LYPD6B: variants seen among roughly 807,000 people sequenced by gnomAD.
The protein encoded by LYPD6B is ly6/PLAUR domain-containing protein 6B.
In LYPD6B, 17 loss-of-function variants were observed where a neutral mutation model predicts 22.8. That is an observed-to-expected ratio of 0.75 (90% CI 0.51 to 1.12). The LOEUF is 1.12. LYPD6B is among the 50% of genes most tolerant of loss of function. The pLI, the probability that LYPD6B is intolerant of heterozygous loss-of-function variation, is 0.00. For synonymous variants in LYPD6B, 106 were observed against 91.6 expected (o/e 1.16, Z -0.90); for missense variants, 221 against 258.3 (o/e 0.86, Z 0.99).
intron 1 of LYPD6B, among the ~76,000 whole-genome samples, chr2:149,126,420 A>G (rs1281410478): frequency 6.6e-6 from 1 of 152,226 alleles, no homozygotes; most frequent in Non-Finnish European, 1.5e-5. Flanking sequence ...TGTTATATGT[A>G]TTATATGTTG....
chr2:149,183,842 T>C (rs980650593), intron 3 of LYPD6B, among the ~76,000 whole-genome samples: 2 of 140,786 alleles, frequency 1.4e-5, no homozygotes, highest in African/African-American at 2.5e-5. Context: ...TATATGTGTA[T>C]GTGTATGTGT....
intron 2 of LYPD6B, among the ~76,000 whole-genome samples, chr2:149,144,340 G>A (rs939756275): frequency 2.0e-5 from 3 of 152,132 alleles, no homozygotes. Flanking sequence ...GTCCAAAGTA[G>A]AGCCTCTATC....
intron 1 of LYPD6B, among the ~76,000 whole-genome samples, chr2:149,073,645 C>T (rs1266129392): frequency 6.6e-6 from 1 of 152,026 alleles, no homozygotes; most frequent in Non-Finnish European, 1.5e-5. Context: ...GCTTATCCTC[C>T]TACCACTGCT....
In LYPD6B at chr2:149,204,937, C is replaced by G. The variant is rs373185619; in HGVS notation, c.78-316C>G. 4 of 241,460 alleles carry G rather than the reference C, an allele frequency of 1.7e-5. 1 individual carries two copies. The highest frequency in any genetic ancestry group is 9.0e-5 in the African/African-American group (4 of 44,580). 15.0% of individuals were successfully genotyped at this position (241,460 alleles called of 1,614,324 possible). A position where few individuals can be genotyped will look rare whatever the true frequency, so the allele number is the denominator to read the frequency against. On this transcript the variant is annotated intron_variant, in intron 3 of 6. Transcript: ENST00000409642. Reference sequence around the variant, plus strand: ...ATCCAGTGATTCAGCACAGAGGAAACCAGCTAGCCGCAGTCACTGAGGGAA... The same window carrying G: ...ATCCAGTGATTCAGCACAGAGGAAAGCAGCTAGCCGCAGTCACTGAGGGAA...
intron 2 of LYPD6B, chr2:149,160,334 C>T (rs1479589256): frequency 2.4e-6 from 1 of 421,058 alleles, no homozygotes; most frequent in Non-Finnish European, 4.8e-6. Context: ...GTCTTCCAAA[C>T]CAGGTTAAAT....
intron 1 of LYPD6B, among the ~76,000 whole-genome samples, chr2:149,083,937 AAG>A (rs1369983502): frequency 4.2e-5 from 6 of 143,280 alleles, no homozygotes; most frequent in Admixed American, 1.4e-4. Context: ...AAAAACAACA[AAG>A]AACAAAAACA....
chr2:149,098,147 ATTTCAGCACACCTT>A lies in LYPD6B; in HGVS notation c.-66-32732_-66-32719del, dbSNP rs1289277227. 5.3e-5 allele frequency among the ~76,000 whole-genome samples: 8 copies of A among 152,068 alleles called. No homozygotes were observed. In the South Asian group the frequency reaches 8.3e-4, roughly 16 times the overall value. ...CCAGCTCTCATGTGCTCCCTGAATG[ATTTCAGCACACCTT>A]TTTGAGCAAGTGCCTATGTTTATAC... On this transcript the variant is annotated intron_variant, in intron 1 of 6. Transcript: ENST00000409642.
At chr2:149,202,517 C>G (rs1267555154) in intron 3 of LYPD6B, among the ~76,000 whole-genome samples, 2 of 152,302 alleles carry the variant, frequency 1.3e-5, no homozygotes, top group East Asian at 3.9e-4. Flanking sequence ...GGGTCCTTGT[C>G]TGTGTAAAGT....
At chr2:149,202,401 C>T (rs564122738) in intron 3 of LYPD6B, among the ~76,000 whole-genome samples, 2 of 152,162 alleles carry the variant, frequency 1.3e-5, no homozygotes, top group Non-Finnish European at 2.9e-5. Context: ...CAAGCTTCTT[C>T]CCATCTTAGG....
At chr2:149,117,824 T>C (rs1353625586) in intron 1 of LYPD6B, among the ~76,000 whole-genome samples, 1 of 152,214 alleles carries the variant, frequency 6.6e-6, no homozygotes, top group Non-Finnish European at 1.5e-5. Context: ...AAAGCACCAA[T>C]AATCATTTAT....
intron 3 of LYPD6B, among the ~76,000 whole-genome samples, chr2:149,180,413 C>T (rs13004145): frequency 0.31 from 47,114 of 152,080 alleles, 9,081 homozygotes; most frequent in East Asian, 0.55. Flanking sequence ...TCTTTGTCTT[C>T]CCCAGGGCAC....
intron 3 of LYPD6B, among the ~76,000 whole-genome samples, chr2:149,170,153 T>C (rs80249185): frequency 6.6e-6 from 1 of 152,216 alleles, no homozygotes; most frequent in Non-Finnish European, 1.5e-5. Flanking sequence ...ATACAGCTAA[T>C]CTGGTTGATC....
At chr2:149,080,371 G>C (rs1212637962) in intron 1 of LYPD6B, among the ~76,000 whole-genome samples, 1 of 152,136 alleles carries the variant, frequency 6.6e-6, no homozygotes, top group East Asian at 1.9e-4. Context: ...ATCTGCAATG[G>C]ACCTGTTTCC....
chr2:149,053,182 A>T (rs1266387070), intron 1 of LYPD6B, among the ~76,000 whole-genome samples: 3 of 152,234 alleles, frequency 2.0e-5, no homozygotes, highest in Admixed American at 6.5e-5. Context: ...ACATACATAC[A>T]TATGGAGGTA....
At chr2:149,180,878 AAAAAGGCCTCTCAGTGGG>A in intron 3 of LYPD6B, among the ~76,000 whole-genome samples, 1 of 152,304 alleles carries the variant, frequency 6.6e-6, no homozygotes, top group South Asian at 2.1e-4. Context: ...GATGTACTTT[AAAAAGGCCTCTCAGTGGG>A]CCTCACCTGC....
chr2:149,116,013 GT>G (rs1686988386), intron 1 of LYPD6B, among the ~76,000 whole-genome samples: 1 of 152,102 alleles, frequency 6.6e-6, no homozygotes, highest in Non-Finnish European at 1.5e-5. Flanking sequence ...CAGTGCTTGT[GT>G]TCAAGTTAAC....
chr2:149,092,112 G>A (rs1338754452), intron 1 of LYPD6B, among the ~76,000 whole-genome samples: 1 of 152,006 alleles, frequency 6.6e-6, no homozygotes, highest in Non-Finnish European at 1.5e-5. Context: ...AGGAGTAGAG[G>A]TCTTAATATG....
chr2:149,200,187 G>T (rs920409117), intron 3 of LYPD6B, among the ~76,000 whole-genome samples: 5 of 152,156 alleles, frequency 3.3e-5, no homozygotes, highest in African/African-American at 9.7e-5. Flanking sequence ...GTGTTGATAG[G>T]CATGTTGGAC....
intron 1 of LYPD6B, among the ~76,000 whole-genome samples, chr2:149,053,470 T>C (rs769115424): frequency 6.6e-6 from 1 of 152,240 alleles, no homozygotes; most frequent in Non-Finnish European, 1.5e-5. Context: ...AAATTTGAAC[T>C]ATTGGGTCAA....
Sources: gnomAD v4.1 joint callset for allele counts (sites outside exome capture counted in the v4.1 genomes callset) on GRCh38, gnomAD v4.1.1 for gene constraint, MANE v1.5 for transcripts, NCBI Gene and HGNC (gene_info 2026-07-23, HGNC 2026-07-21) for gene names.